Variants in SEMA5A observed in about 807,000 individuals in gnomAD.
The protein encoded by SEMA5A is semaphorin-5A.
A neutral mutation model predicts 135.5 loss-of-function variants in SEMA5A; 55 were observed. That is an observed-to-expected ratio of 0.41 (90% confidence interval 0.33 to 0.51). The LOEUF is 0.51. Ranked by LOEUF, SEMA5A falls within the 20% of genes least tolerant of loss-of-function variation. The probability of loss-of-function intolerance (pLI) is 0.37; values close to 1 mark genes in which losing one functional copy is unlikely to be tolerated. For synonymous variants in SEMA5A, 580 were observed against 546.5 expected, an observed-to-expected ratio of 1.06 and a Z score of -0.85; for missense variants, 1,290 against 1,419.9, an observed-to-expected ratio of 0.91 and a Z score of 1.47.
chr5:9,481,152 G>A (rs1318665179), intron 1 of SEMA5A, among the ~76,000 whole-genome samples: 2 of 152,074 alleles, frequency 1.3e-5, no homozygotes, highest in African/African-American at 4.8e-5. Flanking sequence ...TCACCATGTT[G>A]GCCAGGCTGG....
chr5:9,335,994 T>G (rs562168822), intron 4 of SEMA5A, among the ~76,000 whole-genome samples: 2 of 151,530 alleles, frequency 1.3e-5, no homozygotes, highest in East Asian at 3.9e-4. Flanking sequence ...TTAAGTGCAG[T>G]TAAAAAAAAA....
At chr5:9,258,558 T>C (rs1749208572) in intron 5 of SEMA5A, among the ~76,000 whole-genome samples, 1 of 152,160 alleles carries the variant, frequency 6.6e-6, no homozygotes, top group Non-Finnish European at 1.5e-5. Flanking sequence ...CCTTAGGTTA[T>C]CCAGGGGAAC....
At chr5:9,481,509 C>A (rs1398619809) in intron 1 of SEMA5A, among the ~76,000 whole-genome samples, 1 of 152,118 alleles carries the variant, frequency 6.6e-6, no homozygotes, top group Admixed American at 6.5e-5. Context: ...AATATATAAA[C>A]CAACATAGTC....
chr5:9,197,646 G>A (rs557944776), intron 9 of SEMA5A, among the ~76,000 whole-genome samples: 14 of 151,830 alleles, frequency 9.2e-5, no homozygotes, highest in Non-Finnish European at 2.1e-4. Context: ...TTCTCCAACG[G>A]ATGGCGTCTC....
At position 9,112,422 on chromosome 5, in the gene SEMA5A, A is replaced by G. The variant is rs140423858; in HGVS notation, c.1926-4135T>C. Among the ~76,000 whole-genome samples the G allele has an allele frequency of 1.9e-3, 290 of 152,304 alleles. 5 individuals are homozygous for G. The highest frequency in any genetic ancestry group is 4.3e-4 in the Non-Finnish European group (29 of 68,022). On this transcript the variant is annotated intron_variant, in intron 15 of 22. Transcript: ENST00000382496. ...CTGCAATCTCTGTTAACCTGAACCA[A>G]TCAGGGCCTCTTCTGAACTATTTTC...
Position 9,054,273 on chromosome 5 carries a change from A to G in SEMA5A, c.2519-16T>C, listed in dbSNP as rs372692305. 7.8e-5 allele frequency: 126 copies of G among 1,608,264 alleles called. No homozygotes were observed. Among genetic ancestry groups the G allele is most frequent in the South Asian group, 1.8e-4 (16 of 89,914 alleles). ...ACGCCATCCACTGTGAAGAAACACA[A>G]TGTCACAGCTCTTCTATAATCCAAT... is the stretch of plus-strand genomic sequence containing the variant. On this transcript the variant is annotated splice_polypyrimidine_tract_variant and intron_variant, in intron 18 of 22. Transcript: ENST00000382496.
In SEMA5A at chr5:9,487,698, T is replaced by G. The variant is rs3798043; in HGVS notation, c.-174-49846A>C. Among the ~76,000 whole-genome samples, 38 of 152,272 alleles carry G rather than the reference T, an allele frequency of 2.5e-4. No individual in the cohort carries two copies. In the East Asian group the frequency reaches 7.2e-3, roughly 29 times the overall value. On this transcript the variant is annotated intron_variant, in intron 1 of 22. Transcript: ENST00000382496. Reference sequence around the variant, plus strand: ...CCAAAATGATAGGACACCCCTCCACTCACTCCAGTCTTTTTTTATATTGCT... The same window carrying G: ...CCAAAATGATAGGACACCCCTCCACGCACTCCAGTCTTTTTTTATATTGCT...
intron 13 of SEMA5A, among the ~76,000 whole-genome samples, chr5:9,125,217 A>T (rs1347880766): frequency 6.6e-6 from 1 of 152,208 alleles, no homozygotes; most frequent in Non-Finnish European, 1.5e-5. Flanking sequence ...AACATTTTCT[A>T]TCCAGTAAGG....
intron 16 of SEMA5A, among the ~76,000 whole-genome samples, chr5:9,082,719 G>A (rs935525026): frequency 5.3e-5 from 8 of 152,076 alleles, no homozygotes; most frequent in Non-Finnish European, 8.8e-5. Flanking sequence ...ATCTTTACAC[G>A]GAGCCCTGGA....
rs367651511 is a variant in SEMA5A, at chr5:9,062,875, C to T, written c.2518+12G>A. ...GTTTTCAGATGTTTTGTAGACTACA[C>T]AATCCACTTACCTGGGCAGGGCAAA... is the stretch of plus-strand genomic sequence containing the variant. On this transcript the variant is annotated intron_variant, in intron 18 of 22. Coordinates refer to ENST00000382496, the MANE Select transcript of SEMA5A (RefSeq NM_003966.3). The T allele has an allele frequency of 1.9e-6, 3 of 1,613,936 alleles. No homozygotes were observed. The African/African-American group carries it at 4.0e-5, about 22-fold the overall frequency.
At chr5:9,287,753 A>G (rs1750872032) in intron 5 of SEMA5A, among the ~76,000 whole-genome samples, 1 of 152,200 alleles carries the variant, frequency 6.6e-6, no homozygotes, top group African/African-American at 2.4e-5. Context: ...TTGATGAGCC[A>G]TACCAGAGAT....
At chr5:9,120,495 A>G (rs941997731) in intron 14 of SEMA5A, among the ~76,000 whole-genome samples, 37 of 152,288 alleles carry the variant, frequency 2.4e-4, no homozygotes, top group African/African-American at 7.2e-4. Flanking sequence ...AACCTGCTCT[A>G]TAATAATATA....
chr5:9,375,306 G>T (rs186825050), intron 3 of SEMA5A, among the ~76,000 whole-genome samples: 1 of 152,080 alleles, frequency 6.6e-6, no homozygotes, highest in South Asian at 2.1e-4. Context: ...AGATGAGGTC[G>T]TACTGGATTA....
rs759005269 is a variant in SEMA5A at position 9,136,634 on chromosome 5, A to G, written c.1482-13T>C. The G allele has an allele frequency of 1.2e-6, 2 of 1,603,960 alleles. No homozygotes were observed. Among genetic ancestry groups the G allele is most frequent in the Admixed American group, 3.3e-5 (2 of 60,016 alleles). On this transcript the variant is annotated splice_polypyrimidine_tract_variant and intron_variant, in intron 12 of 22. Coordinates refer to ENST00000382496, the MANE Select transcript of SEMA5A (RefSeq NM_003966.3). The stretch of plus-strand genomic sequence containing the variant: ...CCCAATGCAGGTGCTGGAAACACAC[A>G]CCAAATGGTCAACAGAAAGGTCGCT...
intron 1 of SEMA5A, among the ~76,000 whole-genome samples, chr5:9,528,466 C>T (rs763062825): frequency 2.6e-5 from 4 of 152,192 alleles, no homozygotes; most frequent in Non-Finnish European, 4.4e-5. Context: ...TGTGCTTTGC[C>T]ACTTGCCTGT....
intron 14 of SEMA5A, among the ~76,000 whole-genome samples, chr5:9,120,451 A>G (rs951432094): frequency 6.6e-6 from 1 of 152,136 alleles, no homozygotes; most frequent in Non-Finnish European, 1.5e-5. Flanking sequence ...TTAATAAAAT[A>G]TGTAGTAATA....
intron 10 of SEMA5A, among the ~76,000 whole-genome samples, chr5:9,195,937 T>A (rs554125324): frequency 1.3e-5 from 2 of 152,352 alleles, no homozygotes; most frequent in African/African-American, 4.8e-5. Context: ...AGGACCGAGG[T>A]TGGAATCCTC....
chr5:9,242,040 CT>C (rs758345266), intron 5 of SEMA5A, among the ~76,000 whole-genome samples: 1 of 152,148 alleles, frequency 6.6e-6, no homozygotes, highest in Non-Finnish European at 1.5e-5. Context: ...TGAGGGCTTT[CT>C]TTTTTCATAT....
At chr5:9,308,017 T>A (rs1751952546) in intron 5 of SEMA5A, among the ~76,000 whole-genome samples, 1 of 152,154 alleles carries the variant, frequency 6.6e-6, no homozygotes, top group South Asian at 2.1e-4. Context: ...AAAGAATGAA[T>A]TCAATAATAA....
Sources: gnomAD v4.1 joint callset for allele counts (sites outside exome capture counted in the v4.1 genomes callset) on GRCh38, gnomAD v4.1.1 for gene constraint, MANE v1.5 for transcripts, NCBI Gene and HGNC (gene_info 2026-07-23, HGNC 2026-07-21) for gene names.